The following EDNRB variants were observed in gnomAD, a reference collection of about 807,000 sequenced individuals.
The protein encoded by EDNRB is Hirschsprung disease 2.
EDNRB carries 18 observed loss-of-function variants against 46.4 expected under a neutral mutation model. The ratio of observed to expected loss-of-function variants is 0.39; its 90% confidence interval spans 0.27 to 0.57. EDNRB has a LOEUF of 0.57. Among genes scored for constraint, EDNRB ranks in the 20% least tolerant of loss-of-function variants. The pLI, the probability that EDNRB is intolerant of heterozygous loss-of-function variation, is 0.61. For missense variants in EDNRB, 434 were observed against 537.5 expected, an observed-to-expected ratio of 0.81 and a Z score of 1.90; for synonymous variants, 213 against 204.9, an observed-to-expected ratio of 1.04 and a Z score of -0.34.
At chr13:77,899,724 A>C in intron 6 of EDNRB, 135 bp downstream of exon 6, 1 of 709,120 alleles carries the variant, frequency 1.4e-6, no homozygotes, top group East Asian at 2.8e-5. Flanking sequence ...TATTTAAAAA[A>C]ATCATCCATG....
chr13:77,904,598 CATAGT>C (rs1879179137), intron 1 of EDNRB, among the ~76,000 whole-genome samples: 1 of 151,900 alleles, frequency 6.6e-6, no homozygotes, highest in African/African-American at 2.4e-5. Flanking sequence ...TATACACACA[CATAGT>C]ATGTTATATA....
At chr13:77,911,093 C>T (rs576441321) in intron 1 of EDNRB, among the ~76,000 whole-genome samples, 6 of 151,838 alleles carry the variant, frequency 4.0e-5, no homozygotes, top group Admixed American at 1.3e-4. Flanking sequence ...AAACTATCAC[C>T]GACATATTAC....
intron 1 of EDNRB, among the ~76,000 whole-genome samples, chr13:77,971,623 T>A (rs894654919): frequency 1.3e-5 from 2 of 151,720 alleles, no homozygotes; most frequent in South Asian, 4.2e-4. Context: ...AGCTTGCTGC[T>A]GTTGATTGTA....
chr13:77,947,186 T>C (rs1880947121), intron 1 of EDNRB, among the ~76,000 whole-genome samples: 1 of 152,206 alleles, frequency 6.6e-6, no homozygotes, highest in Non-Finnish European at 1.5e-5. Context: ...CTAATCATTA[T>C]CACTAAAATA....
At chr13:77,903,449 A>C in intron 2 of EDNRB, 46 bp downstream of exon 2, 1 of 1,607,048 alleles carries the variant, frequency 6.2e-7, no homozygotes, top group Non-Finnish European at 8.5e-7. Context: ...CATGGAAAAC[A>C]ATAGTATATA....
intron 1 of EDNRB, among the ~76,000 whole-genome samples, chr13:77,958,219 C>G (rs572719838): frequency 6.6e-6 from 1 of 152,280 alleles, no homozygotes; most frequent in East Asian, 1.9e-4. Context: ...GCATGTAGAT[C>G]ATTAAAAACA....
At position 77,904,775 on chromosome 13, in the gene EDNRB, C is replaced by T. The variant is rs141816966; in HGVS notation, c.484-1168G>A. On this transcript the variant is annotated intron_variant, in intron 1 of 6. Coordinates refer to ENST00000646607, the MANE Select transcript of EDNRB (RefSeq NM_001122659.3). ...TAGGTGAACATCTGGATCAAATGTT[C>T]ATGAGGTTTTGAAAATAAAAGTATT... is the stretch of plus-strand genomic sequence containing the variant. Among the ~76,000 whole-genome samples, 1,270 of 152,006 alleles carry T rather than the reference C, an allele frequency of 8.4e-3. 10 individuals are homozygous for T. The highest frequency in any genetic ancestry group is 0.014 in the Non-Finnish European group (928 of 67,902).
At chr13:77,919,631 A>G (rs1479794513), upstream of EDNRB, 2 of 1,585,418 alleles carry the variant, frequency 1.3e-6, no homozygotes, top group Admixed American at 1.7e-5. Flanking sequence ...CCTTCCCATC[A>G]ATCACCGCCA....
rs772428659 is a variant in EDNRB, at chr13:77,918,367, C to T, written c.207G>A (p.Ala69=). 6.2e-6 allele frequency: 10 copies of T among 1,609,244 alleles called. No homozygotes were observed. The highest frequency in any genetic ancestry group is 8.5e-6 in the Non-Finnish European group (10 of 1,176,616). Residue 69 remains alanine (A), a synonymous_variant, in exon 1 of 7, where the codon GCG becomes GCA. Coordinates refer to ENST00000646607, the MANE Select transcript of EDNRB (RefSeq NM_001122659.3). The surrounding 1 kb of genome is among the most constrained non-coding windows in gnomAD (Gnocchi z 4.5). ...NASLARSLAP[A]EVPKGDRTAG... Reference sequence around the variant, plus strand: ...CCGTCCTGTCTCCTTTAGGCACCTCCGCAGGTGCCAACGACCGCGCCAGAC... The same window carrying T: ...CCGTCCTGTCTCCTTTAGGCACCTCTGCAGGTGCCAACGACCGCGCCAGAC...
intron 1 of EDNRB, among the ~76,000 whole-genome samples, chr13:77,912,583 T>C (rs1423754944): frequency 6.6e-6 from 1 of 152,108 alleles, no homozygotes; most frequent in African/African-American, 2.4e-5. Flanking sequence ...TATAACATCA[T>C]TTGTCTGAAG....
chr13:77,945,901 A>AAAAAAAAAAAAAAAAAC (rs1391892820), intron 1 of EDNRB, among the ~76,000 whole-genome samples: 11 of 150,820 alleles, frequency 7.3e-5, no homozygotes, highest in East Asian at 2.0e-4. Flanking sequence ...AAACAAAAAA[A>AAAAAAAAAAAAAAAAAC]ACACACAATC....
At position 77,896,750 on chromosome 13, in the gene EDNRB, G is replaced by A; in HGVS notation, c.*1450C>T. On this transcript the variant is annotated 3_prime_UTR_variant, in exon 7 of 7. Transcript: ENST00000646607. ...GCTAAGAATGGGAATCTGTCCCCAT[G>A]GGTTTCCTCCAACCCCACCTCATTT... 7.3e-7 allele frequency: 1 copy of A among 1,365,746 alleles called. No homozygotes were observed. The highest frequency in any genetic ancestry group is 9.4e-7 in the Non-Finnish European group (1 of 1,062,786). 84.6% of individuals were successfully genotyped at this position (1,365,746 alleles called of 1,614,324 possible).
intron 1 of EDNRB, among the ~76,000 whole-genome samples, chr13:77,932,373 C>T (rs1379403324): frequency 6.6e-6 from 1 of 152,286 alleles, no homozygotes; most frequent in African/African-American, 2.4e-5. Flanking sequence ...TAATTTAACA[C>T]GATTTATTAT....
chr13:77,942,176 GT>G (rs1251300183), intron 1 of EDNRB, among the ~76,000 whole-genome samples: 2 of 151,790 alleles, frequency 1.3e-5, no homozygotes, highest in Admixed American at 6.6e-5. Flanking sequence ...TAAAAGCCTT[GT>G]CTGGGAAAAA....
At chr13:77,968,361 G>A (rs11149085) in intron 1 of EDNRB, among the ~76,000 whole-genome samples, 37,769 of 151,998 alleles carry the variant, frequency 0.25, 5,857 homozygotes, top group East Asian at 0.54. Flanking sequence ...ACTTCATAAA[G>A]TAAGCATATG....
chr13:77,975,261 C>T (rs1203362844), intron 1 of EDNRB: 1 of 152,328 alleles, frequency 6.6e-6, no homozygotes, highest in Non-Finnish European at 1.5e-5. Flanking sequence ...AAAACCAAAA[C>T]CAAAGTGCCA....
chr13:77,953,329 A>G (rs1881145308), intron 1 of EDNRB, among the ~76,000 whole-genome samples: 2 of 151,878 alleles, frequency 1.3e-5, no homozygotes, highest in South Asian at 2.1e-4. Flanking sequence ...TATATATTAC[A>G]TATGTATACT....
At chr13:77,925,443 C>A (rs375535228) in intron 1 of EDNRB, among the ~76,000 whole-genome samples, 109 of 152,310 alleles carry the variant, frequency 7.2e-4, no homozygotes, top group South Asian at 5.6e-3. Context: ...ACAGCCCAAA[C>A]TTTATGCATG....
In EDNRB at chr13:77,897,287, G is replaced by C. The variant is rs1046288133; in HGVS notation, c.*913C>G. 3.0e-6 allele frequency: 3 copies of C among 985,098 alleles called. No homozygotes were observed. The highest frequency in any genetic ancestry group is 3.6e-6 in the Non-Finnish European group (3 of 829,876). The allele number at this position is 985,098 out of a possible 1,614,324, so 61.0% of individuals were successfully genotyped here. On this transcript the variant is annotated 3_prime_UTR_variant, in exon 7 of 7. Coordinates refer to ENST00000646607, the MANE Select transcript of EDNRB (RefSeq NM_001122659.3). ...TTTACAGATGACAAAACCAAACAGA[G>C]TTTAAGCTACGATAGTGAAAGAAGA...
Sources: gnomAD v4.1 joint callset for allele counts (sites outside exome capture counted in the v4.1 genomes callset) on GRCh38, gnomAD v4.1.1 for gene constraint, Gnocchi (gnomAD v3.1) non-coding constraint, MANE v1.5 for transcripts, NCBI Gene and HGNC (gene_info 2026-07-23, HGNC 2026-07-21) for gene names.